The following CCNJL variants were observed in gnomAD, a reference collection of about 807,000 sequenced individuals.
CCNJL encodes the protein cyclin-J-like protein.
Under a neutral mutation model 33.4 loss-of-function variants are expected in CCNJL, and 33 were observed. That is an observed-to-expected ratio of 0.99 (90% CI 0.75 to 1.32). The LOEUF (loss-of-function observed/expected upper bound fraction) is 1.32. Among genes scored for constraint, CCNJL ranks in the 40% most tolerant of loss-of-function variants. CCNJL has a pLI of 0.00. For synonymous variants in CCNJL, 227 were observed against 220.9 expected, an observed-to-expected ratio of 1.03 and a Z score of -0.24; for missense variants, 512 against 499.7, an observed-to-expected ratio of 1.02 and a Z score of -0.23.
rs1313842252 is a variant in CCNJL at position 160,249,909 on chromosome 5, T to C, written c.*3469A>G. 6.6e-6 allele frequency: 1 copy of C among 152,046 alleles called. No individual in the cohort carries two copies. The allele number at this position is 152,046 out of a possible 1,614,324, so 9.4% of individuals were successfully genotyped here. ...TCATATGCCTGAATGACCAAGAAGC[T>C]GGCTAAAGTGCAGATTCCAGGTCCC... On this transcript the variant is annotated 3_prime_UTR_variant, in exon 6 of 6. Coordinates refer to ENST00000257536, the MANE Select transcript of CCNJL (RefSeq NM_001308173.3).
intron 2 of CCNJL, among the ~76,000 whole-genome samples, chr5:160,294,092 G>C (rs1303288020): frequency 1.3e-5 from 2 of 152,144 alleles, no homozygotes; most frequent in Admixed American, 6.5e-5. Flanking sequence ...GTGACCAACA[G>C]GAAGTGGAGA....
chr5:160,299,951 C>A (rs1413424410), intron 2 of CCNJL, among the ~76,000 whole-genome samples: 3 of 151,940 alleles, frequency 2.0e-5, no homozygotes, highest in African/African-American at 4.8e-5. Context: ...GCAGTGTGGC[C>A]AATTTCCTTC....
intron 2 of CCNJL, among the ~76,000 whole-genome samples, chr5:160,305,900 C>T (rs972301105): frequency 1.3e-5 from 2 of 152,154 alleles, no homozygotes; most frequent in Non-Finnish European, 2.9e-5. Flanking sequence ...CAACACTAAA[C>T]GAAATGTTTG....
intron 3 of CCNJL, chr5:160,274,797 C>T (rs923144112): frequency 1.4e-4 from 21 of 152,584 alleles, no homozygotes; most frequent in African/African-American, 5.0e-4. Context: ...AGGAGGGGCT[C>T]AGAGGACAGA....
chr5:160,269,516 C>T (rs1464136750), intron 3 of CCNJL: 4 of 456,474 alleles, frequency 8.8e-6, no homozygotes, highest in Non-Finnish European at 1.8e-5. Flanking sequence ...AACGTGTGGG[C>T]ACTGGGGACC....
At chr5:160,312,905 C>G (rs1429689935), upstream of CCNJL, 1 of 151,770 alleles carries the variant, frequency 6.6e-6, no homozygotes, top group East Asian at 1.9e-4. Flanking sequence ...ATCCTTACGT[C>G]GGTTCCACCT....
Position 160,280,608 on chromosome 5 carries a change from A to T in CCNJL, c.197T>A (p.Leu66Gln). The T allele has an allele frequency of 6.2e-7, 1 of 1,613,624 alleles. No individual in the cohort carries two copies. The highest frequency in any genetic ancestry group is 8.5e-7 in the Non-Finnish European group (1 of 1,179,972). The change falls in exon 3 of 6, where the codon CTG (leucine) becomes CAG (glutamine). Residue 66 changes from leucine to glutamine, a missense_variant. By Grantham distance (113) the Leu-to-Gln change is moderately radical. Coordinates refer to ENST00000257536, the MANE Select transcript of CCNJL (RefSeq NM_001308173.3). The stretch of plus-strand genomic sequence containing the variant: ...GTAGCGATCCATGAAGTGGTCCAGC[A>T]GGTAGACGGCCAGGTGCCGGGCTGC... Reference protein sequence around the residue: ...CPAARHLAVYLLDHFMDRYNV... With the variant: ...CPAARHLAVYQLDHFMDRYNV...
At chr5:160,284,129 A>G (rs1044332828) in intron 2 of CCNJL, among the ~76,000 whole-genome samples, 17 of 152,240 alleles carry the variant, frequency 1.1e-4, no homozygotes, top group African/African-American at 3.9e-4. Context: ...AGGCGGGTGG[A>G]TCGCTTGAGT....
At chr5:160,286,683 G>A (rs1762417525) in intron 2 of CCNJL, among the ~76,000 whole-genome samples, 1 of 152,098 alleles carries the variant, frequency 6.6e-6, no homozygotes, top group African/African-American at 2.4e-5. Context: ...ATGGACCACT[G>A]GAATGCATAG....
chr5:160,291,272 T>C (rs1007565052), intron 2 of CCNJL, among the ~76,000 whole-genome samples: 16 of 152,110 alleles, frequency 1.1e-4, no homozygotes, highest in African/African-American at 3.9e-4. Flanking sequence ...GCAGTCATTT[T>C]TCAAAGGCAA....
At chr5:160,301,404 G>T (rs1762916612) in intron 2 of CCNJL, among the ~76,000 whole-genome samples, 1 of 151,930 alleles carries the variant, frequency 6.6e-6, no homozygotes, top group Admixed American at 6.6e-5. Context: ...GGACTGATGA[G>T]GAACTTTCTA....
chr5:160,307,849 T>C (rs1323281332), intron 2 of CCNJL, among the ~76,000 whole-genome samples: 11 of 152,130 alleles, frequency 7.2e-5, no homozygotes, highest in Non-Finnish European at 1.2e-4. Flanking sequence ...GGGATAAAGG[T>C]GGCCTACAGG....
At chr5:160,325,746 T>C (rs1763526707) in intron 1 of CCNJL, among the ~76,000 whole-genome samples, 1 of 152,238 alleles carries the variant, frequency 6.6e-6, no homozygotes, top group South Asian at 2.1e-4. Context: ...ATAAAAATCC[T>C]GATTTTCATC....
chr5:160,335,804 A>T (rs1433230876), intron 1 of CCNJL, among the ~76,000 whole-genome samples: 5 of 147,570 alleles, frequency 3.4e-5, no homozygotes, highest in African/African-American at 1.3e-4. Flanking sequence ...AGCCATTCTC[A>T]AATTCCTGGC....
intron 2 of CCNJL, among the ~76,000 whole-genome samples, chr5:160,281,604 T>C (rs1762217451): frequency 6.6e-6 from 1 of 152,182 alleles, no homozygotes. Flanking sequence ...GCAGTATCTC[T>C]CATATTTACC....
intron 1 of CCNJL, among the ~76,000 whole-genome samples, chr5:160,321,067 T>A (rs866885332): frequency 1.8e-5 from 2 of 108,230 alleles, no homozygotes; most frequent in Non-Finnish European, 3.7e-5. Flanking sequence ...TCTTTCTTTC[T>A]TTCTTTCTTT....
At chr5:160,320,225 C>G (rs1403512938) in intron 1 of CCNJL, among the ~76,000 whole-genome samples, 1 of 152,192 alleles carries the variant, frequency 6.6e-6, no homozygotes, top group Non-Finnish European at 1.5e-5. Flanking sequence ...ATAATAATAA[C>G]AGAGCAGGCT....
intron 1 of CCNJL, among the ~76,000 whole-genome samples, chr5:160,335,776 G>A (rs1032291922): frequency 7.7e-6 from 1 of 129,828 alleles, no homozygotes; most frequent in Non-Finnish European, 1.7e-5. Context: ...TAGAAACAAT[G>A]TTTTGCTTTG....
At chr5:160,317,404 A>G (rs979309304), upstream of CCNJL, among the ~76,000 whole-genome samples, 2 of 152,224 alleles carry the variant, frequency 1.3e-5, no homozygotes, top group African/African-American at 4.8e-5. Context: ...AGCTCCATCC[A>G]TATAGAAAAT....
Sources: allele counts gnomAD v4.1 joint callset (sites outside exome capture counted in the v4.1 genomes callset), GRCh38; gene constraint gnomAD v4.1.1; transcripts MANE v1.5; gene names NCBI Gene and HGNC (gene_info 2026-07-23, HGNC 2026-07-21).